Variants in BRF1 observed in about 807,000 individuals in gnomAD.
BRF1 encodes the protein BRF1 general transcription factor IIIB subunit.
BRF1 carries 59 observed loss-of-function variants against 81.7 expected under a neutral mutation model. The ratio of observed to expected loss-of-function variants is 0.72; its 90% confidence interval spans 0.59 to 0.90. The LOEUF (loss-of-function observed/expected upper bound fraction) is 0.90. Among genes scored for constraint, BRF1 ranks in the 40% least tolerant of loss-of-function variants. BRF1 has a pLI of 0.00. For synonymous variants in BRF1, 491 were observed against 395.6 expected (o/e 1.24, Z -2.86); for missense variants, 1,050 against 936.3 (o/e 1.12, Z -1.58).
At chr14:105,213,768 G>C (rs1890554909) in intron 15 of BRF1, among the ~76,000 whole-genome samples, 1 of 152,148 alleles carries the variant, frequency 6.6e-6, no homozygotes, top group Non-Finnish European at 1.5e-5. Flanking sequence ...TGGGGGGCCA[G>C]AAAGCTCCCT....
At chr14:105,314,507 T>G (rs1390198871) in intron 1 of BRF1, 4 of 144,686 alleles carry the variant, frequency 2.8e-5, no homozygotes, top group African/African-American at 1.0e-4. Context: ...GGCGCGTGAG[T>G]GCGCGCTCTC....
intron 6 of BRF1, 72 bp from the exon 7 acceptor site, chr14:105,228,985 A>C (rs954257069): frequency 5.2e-6 from 7 of 1,356,978 alleles, no homozygotes; most frequent in Non-Finnish European, 7.4e-6. Context: ...GGCCCAGGAC[A>C]ACACTGCGGA....
chr14:105,286,511 C>T (rs933037173), intron 1 of BRF1, 135 bp from the exon 2 acceptor site: 69 of 856,318 alleles, frequency 8.1e-5, no homozygotes, highest in Middle Eastern at 2.4e-4. Flanking sequence ...GTCGGCCCCC[C>T]GCACCTCCGT....
intron 6 of BRF1, 98 bp from the exon 7 acceptor site, chr14:105,229,011 T>A (rs587639472): frequency 6.3e-6 from 7 of 1,108,532 alleles, no homozygotes; most frequent in Admixed American, 1.7e-5. Context: ...GTCACGGAGA[T>A]GATGGCCTGA....
At chr14:105,302,951 T>C (rs1209228879), upstream of BRF1, among the ~76,000 whole-genome samples, 9 of 151,972 alleles carry the variant, frequency 5.9e-5, no homozygotes, top group Non-Finnish European at 1.3e-4. Flanking sequence ...TTCTTTTTTT[T>C]TTTTGAGATA....
intron 3 of BRF1, among the ~76,000 whole-genome samples, chr14:105,257,081 G>T (rs1230221719): frequency 6.6e-6 from 1 of 152,104 alleles, no homozygotes; most frequent in East Asian, 1.9e-4. Flanking sequence ...CGCCACTGGG[G>T]GCTGCGCTCG....
At chr14:105,314,639 C>T (rs1416636538) in intron 1 of BRF1, 1 of 143,888 alleles carries the variant, frequency 6.9e-6, no homozygotes, top group Non-Finnish European at 1.5e-5. Context: ...GCGCCCCGCC[C>T]AGCCAATCGG....
At chr14:105,310,287 T>C (rs1043898537) in intron 1 of BRF1, among the ~76,000 whole-genome samples, 2 of 151,454 alleles carry the variant, frequency 1.3e-5, no homozygotes, top group Non-Finnish European at 2.9e-5. Flanking sequence ...TCCCAGCACT[T>C]TGGGAGGTCG....
intron 4 of BRF1, 38 bp downstream of exon 4, chr14:105,256,480 C>T (rs1466452325): frequency 1.5e-5 from 25 of 1,614,060 alleles, no homozygotes; most frequent in Non-Finnish European, 2.0e-5. Flanking sequence ...CAGGTCACAA[C>T]CCCAGGTGGG....
At position 105,262,749 on chromosome 14, in the gene BRF1, T is replaced by C. The variant is rs587624812; in HGVS notation, c.440-6200A>G. ...AGCCCCTGGCTTTCAAGCACACACA[T>C]GCAACCAGGCACATGGATGGCCCCA... is the stretch of plus-strand genomic sequence containing the variant. On this transcript the variant is annotated intron_variant, in intron 3 of 17. Coordinates refer to ENST00000547530, the MANE Select transcript of BRF1 (RefSeq NM_001519.4). 2.5e-3 allele frequency among the ~76,000 whole-genome samples: 383 copies of C among 152,202 alleles called. 1 individual carries two copies. Among genetic ancestry groups the C allele is most frequent in the Non-Finnish European group, 3.6e-3 (246 of 67,994 alleles).
intron 1 of BRF1, among the ~76,000 whole-genome samples, chr14:105,308,481 CTTTTTTT>C (rs1227708197): frequency 8.0e-6 from 1 of 124,582 alleles, no homozygotes; most frequent in African/African-American, 3.2e-5. Flanking sequence ...CAGATTCTGT[CTTTTTTT>C]TTTTTTTTTT....
At chr14:105,299,631 T>C (rs1461751700) in intron 1 of BRF1, among the ~76,000 whole-genome samples, 6 of 152,158 alleles carry the variant, frequency 3.9e-5, no homozygotes, top group Non-Finnish European at 7.4e-5. Context: ...GATTCGGGCA[T>C]GGCAAATAAG....
At chr14:105,265,044 C>CATTT (rs2056338920) in intron 3 of BRF1, among the ~76,000 whole-genome samples, 1 of 146,488 alleles carries the variant, frequency 6.8e-6, no homozygotes, top group Non-Finnish European at 1.5e-5. Flanking sequence ...TTCTACTTAT[C>CATTT]CTTTTTTTTG....
chr14:105,295,078 T>G (rs1425531258), intron 1 of BRF1, among the ~76,000 whole-genome samples: 1 of 151,874 alleles, frequency 6.6e-6, no homozygotes, highest in Admixed American at 6.6e-5. Flanking sequence ...TCCCAACCCA[T>G]TCCATAAGGA....
chr14:105,242,432 G>A lies in BRF1; in HGVS notation c.545-1018C>T, dbSNP rs184760388. On this transcript the variant is annotated intron_variant, in intron 5 of 17. Transcript: ENST00000547530. Reference sequence around the variant, plus strand: ...CAATCATCGCAGCTAGAAATAAAGAGAACGATAAAAAATATGCTCATAGGC... The same window carrying A: ...CAATCATCGCAGCTAGAAATAAAGAAAACGATAAAAAATATGCTCATAGGC... The A allele has an allele frequency of 1.6e-3, 243 of 152,172 alleles. 1 individual carries two copies. Among genetic ancestry groups the A allele is most frequent in the African/African-American group, 5.7e-3 (235 of 41,518 alleles). The allele number at this position is 152,172 out of a possible 1,614,324, so 9.4% of individuals were successfully genotyped here.
At chr14:105,310,381 T>A (rs1174690986) in intron 1 of BRF1, among the ~76,000 whole-genome samples, 4 of 151,270 alleles carry the variant, frequency 2.6e-5, no homozygotes, top group African/African-American at 7.3e-5. Flanking sequence ...ATACAAAAAA[T>A]TAGCCAGGCG....
intron 1 of BRF1, among the ~76,000 whole-genome samples, chr14:105,293,025 G>A (rs587659007): frequency 4.6e-5 from 7 of 152,188 alleles, no homozygotes; most frequent in African/African-American, 1.2e-4. Flanking sequence ...AGATGGCAAC[G>A]GGACAGAATT....
chr14:105,224,184 C>T (rs761681408), intron 10 of BRF1, among the ~76,000 whole-genome samples: 9 of 152,316 alleles, frequency 5.9e-5, no homozygotes, highest in Admixed American at 2.0e-4. Context: ...GCCTGGCCAA[C>T]GTGGCGAAAC....
intron 5 of BRF1, chr14:105,250,515 C>T (rs587753993): frequency 1.2e-6 from 2 of 1,614,058 alleles, no homozygotes; most frequent in Admixed American, 3.3e-5. Context: ...ACGGCCAGTG[C>T]CGTCCTGGAC....
Sources: gnomAD v4.1 joint callset for allele counts (sites outside exome capture counted in the v4.1 genomes callset) on GRCh38, gnomAD v4.1.1 for gene constraint, MANE v1.5 for transcripts, NCBI Gene and HGNC (gene_info 2026-07-23, HGNC 2026-07-21) for gene names.